The following PSAP variants were observed in gnomAD, a reference collection of about 807,000 sequenced individuals.
PSAP encodes prosaposin.
In PSAP, 25 loss-of-function variants were observed where a neutral mutation model predicts 66.0. The observed-to-expected ratio is 0.38, with a 90% CI of 0.28 to 0.53. The LOEUF is 0.53. Ranked by LOEUF, PSAP falls within the 20% of genes least tolerant of loss-of-function variation. PSAP has a pLI of 0.83. For synonymous variants in PSAP, 273 were observed against 258.9 expected (o/e 1.05, Z -0.52); for missense variants, 649 against 668.8 (o/e 0.97, Z 0.33).
At chr10:71,845,036 T>A (rs1292782802) in intron 1 of PSAP, among the ~76,000 whole-genome samples, 2 of 152,238 alleles carry the variant, frequency 1.3e-5, no homozygotes, top group Admixed American at 1.3e-4. Context: ...CTAGTTGTTG[T>A]TAATCCCTTA....
Position 71,834,390 on chromosome 10 carries a change from A to G in PSAP, c.156T>C (p.Val52=). 6.2e-7 allele frequency: 1 copy of G among 1,613,914 alleles called. No individual in the cohort carries two copies. Among genetic ancestry groups the G allele is most frequent in the Non-Finnish European group, 8.5e-7 (1 of 1,180,026 alleles). ...CGAVKHCLQT[V]WNKPTVKSLP... is the part of the protein sequence containing the mutation. Reference sequence around the variant, plus strand: ...CACTCACCACTGTTGGCTTGTTCCAAACGGTCTGCAGGCAGTGCTTCACTG... The same window carrying G: ...CACTCACCACTGTTGGCTTGTTCCAGACGGTCTGCAGGCAGTGCTTCACTG... The change falls in exon 2 of 14, where the codon GTT becomes GTC. Residue 52 remains valine (V), a synonymous_variant. Coordinates refer to ENST00000394936, the MANE Select transcript of PSAP (RefSeq NM_002778.4).
chr10:71,824,683 T>C (rs918557998), intron 7 of PSAP, among the ~76,000 whole-genome samples: 1 of 152,204 alleles, frequency 6.6e-6, no homozygotes. Context: ...AGGCAAAAAA[T>C]GCAAACTACA....
At chr10:71,827,110 T>C (rs938029736) in intron 6 of PSAP, among the ~76,000 whole-genome samples, 2 of 151,942 alleles carry the variant, frequency 1.3e-5, no homozygotes, top group East Asian at 3.9e-4. Flanking sequence ...AAAAATGGGG[T>C]AAATGGCCGG....
chr10:71,827,413 A>AG (rs1182420986), intron 6 of PSAP, among the ~76,000 whole-genome samples: 2 of 146,122 alleles, frequency 1.4e-5, no homozygotes, highest in African/African-American at 2.5e-5. Flanking sequence ...AAGAAAAAAA[A>AG]AAAAGAAAAG....
chr10:71,831,753 C>A lies in PSAP; in HGVS notation c.249+93G>T, dbSNP rs936883410. On this transcript the variant is annotated intron_variant, in intron 3 of 13. Coordinates refer to ENST00000394936, the MANE Select transcript of PSAP (RefSeq NM_002778.4). The stretch of plus-strand genomic sequence containing the variant: ...GACATTTGCCACCCTCAGGCCTACA[C>A]CATTCCTCTTTAGACACCCGGAATC... 3.8e-6 allele frequency: 5 copies of A among 1,300,212 alleles called. No homozygotes were observed. The Admixed American group carries it at 6.7e-5, about 17-fold the overall frequency. The allele number at this position is 1,300,212 out of a possible 1,614,324, so 80.5% of individuals were successfully genotyped here. A position where few individuals can be genotyped will look rare whatever the true frequency, so the allele number is the denominator to read the frequency against.
rs1842780081 is a variant in PSAP at position 71,844,260 on chromosome 10, A to G, written c.40+6922T>C. Among the ~76,000 whole-genome samples the G allele has an allele frequency of 1.3e-5, 2 of 152,382 alleles. 1 individual carries two copies. The highest frequency in any genetic ancestry group is 4.1e-4 in the South Asian group (2 of 4,832). ...ACTCAGCAATTCTGCTCTTAGACAT[A>G]TGCCCTAGATAAATGTTTTCCATGT... is the stretch of plus-strand genomic sequence containing the variant. On this transcript the variant is annotated intron_variant, in intron 1 of 13. Transcript: ENST00000394936.
intron 6 of PSAP, among the ~76,000 whole-genome samples, chr10:71,826,743 GA>G (rs56279127): frequency 1.3e-4 from 19 of 144,564 alleles, no homozygotes; most frequent in Admixed American, 2.1e-4. Context: ...CCTGTCTCAA[GA>G]AAAAAAAAAA....
chr10:71,819,700 C>T lies in PSAP; in HGVS notation c.1192+14G>A, dbSNP rs1842255507. The T allele has an allele frequency of 1.2e-6, 2 of 1,614,114 alleles. No homozygotes were observed. Among genetic ancestry groups the T allele is most frequent in the Admixed American group, 1.7e-5 (1 of 60,034 alleles). On this transcript the variant is annotated intron_variant, in intron 10 of 13. Coordinates refer to ENST00000394936, the MANE Select transcript of PSAP (RefSeq NM_002778.4). ...AGGGGCACCATCCTCTCCCGCACCA[C>T]ACCCAGCGCTCACCGGTCAGTGCAG... is the stretch of plus-strand genomic sequence containing the variant.
intron 7 of PSAP, among the ~76,000 whole-genome samples, chr10:71,822,814 C>A (rs1207497722): frequency 1.3e-5 from 2 of 152,132 alleles, no homozygotes; most frequent in Admixed American, 6.5e-5. Context: ...AAAACAGGAC[C>A]TGTTAAGGGA....
Position 71,833,899 on chromosome 10 carries a change from G to A in PSAP, c.174+473C>T, listed in dbSNP as rs531208120. Among the ~76,000 whole-genome samples the A allele has an allele frequency of 3.3e-5, 5 of 152,378 alleles. No homozygotes were observed. In the South Asian group the frequency reaches 1.0e-3, roughly 32 times the overall value. On this transcript the variant is annotated intron_variant, in intron 2 of 13. Coordinates refer to ENST00000394936, the MANE Select transcript of PSAP (RefSeq NM_002778.4). ...AATCAGCAGTTTGCCTGTTTGAGAG[G>A]AGTGAGGAGAGAACAAAATATGAAA...
In PSAP at chr10:71,819,800, A is replaced by G. The variant is rs772105675; in HGVS notation, c.1106T>C (p.Leu369Pro). ...EVVDTYGSSI[L>P]SILLEEVSPE... ...GCTGACCTCCTCCAGCAGGATGGAC[A>G]GGATGGAGCTGCCGTACGTGTCCAC... is the stretch of plus-strand genomic sequence containing the variant. Residue 369 changes from leucine to proline, a missense_variant, in exon 10 of 14, where the codon CTG becomes CCG. Transcript: ENST00000394936. 9.3e-6 allele frequency: 15 copies of G among 1,613,832 alleles called. No individual in the cohort carries two copies. In the African/African-American group the frequency reaches 2.0e-4, roughly 22 times the overall value.
At chr10:71,840,397 A>T (rs754153073) in intron 1 of PSAP, among the ~76,000 whole-genome samples, 1 of 152,312 alleles carries the variant, frequency 6.6e-6, no homozygotes, top group South Asian at 2.1e-4. Flanking sequence ...ATCCCCTAAG[A>T]GCAGGAGATA....
rs1842186590 is a variant in PSAP, at chr10:71,817,294, G to A, written c.*147C>T. 1.1e-6 allele frequency: 1 copy of A among 896,866 alleles called. No homozygotes were observed. The highest frequency in any genetic ancestry group is 2.4e-5 in the East Asian group (1 of 41,676). The allele number at this position is 896,866 out of a possible 1,614,324, so 55.6% of individuals were successfully genotyped here. ...TAGGGGCTCCCTTGCAGACAGCAAT[G>A]CTACAATAAAGGACACAGAAATGGG... On this transcript the variant is annotated 3_prime_UTR_variant, in exon 14 of 14. Transcript: ENST00000394936.
Position 71,818,737 on chromosome 10 carries a change from A to T in PSAP, c.1432-13T>A. The T allele has an allele frequency of 6.2e-7, 1 of 1,601,168 alleles. No individual in the cohort carries two copies. The stretch of plus-strand genomic sequence containing the variant: ...AGGCTCCAATTTTCTATATGGTGAG[A>T]AAAGGAAAGAAGAAAGGGGGAGAAT... On this transcript the variant is annotated splice_polypyrimidine_tract_variant and intron_variant, in intron 12 of 13. Transcript: ENST00000394936.
At position 71,819,817 on chromosome 10, in the gene PSAP, C is replaced by T. The variant is rs1307052772; in HGVS notation, c.1089G>A (p.Thr363=). ...LSEECQEVVD[T]YGSSILSILL... ...GGATGGACAGGATGGAGCTGCCGTA[C>T]GTGTCCACCACCTCCTGGCACTCTT... The change falls in exon 10 of 14, where the codon ACG becomes ACA. Residue 363 remains threonine, a synonymous_variant. Coordinates refer to ENST00000394936, the MANE Select transcript of PSAP (RefSeq NM_002778.4). 8 of 1,614,062 alleles carry T rather than the reference C, an allele frequency of 5.0e-6. No individual in the cohort carries two copies. Among genetic ancestry groups the T allele is most frequent in the Admixed American group, 1.7e-5 (1 of 60,024 alleles).
intron 7 of PSAP, chr10:71,822,354 AG>A: frequency 2.4e-6 from 1 of 412,286 alleles, no homozygotes; most frequent in Non-Finnish European, 4.6e-6. Flanking sequence ...AGGTCACTCT[AG>A]GTAGGAACTA....
intron 4 of PSAP, 94 bp from the exon 5 acceptor site, chr10:71,829,171 A>AGGG: frequency 8.5e-7 from 1 of 1,182,072 alleles, no homozygotes; most frequent in Non-Finnish European, 1.2e-6. Flanking sequence ...CCTCTCTTTA[A>AGGG]ATCCCTTAAA....
In PSAP at chr10:71,823,878, C is replaced by T. The variant is rs1044780961; in HGVS notation, c.778-1871G>A. 6.2e-6 allele frequency: 8 copies of T among 1,296,044 alleles called. 1 individual carries two copies. The highest frequency in any genetic ancestry group is 3.7e-5 in the South Asian group (3 of 81,262). The allele number at this position is 1,296,044 out of a possible 1,614,324, so 80.3% of individuals were successfully genotyped here. A position where few individuals can be genotyped will look rare whatever the true frequency, so the allele number is the denominator to read the frequency against. On this transcript the variant is annotated intron_variant, in intron 7 of 13. Transcript: ENST00000394936. Reference sequence around the variant, plus strand: ...AGACCACTACTGCAAGCAGATTCCCCGACACATACCTGATCCTGCTGTTGA... The same window carrying T: ...AGACCACTACTGCAAGCAGATTCCCTGACACATACCTGATCCTGCTGTTGA...
chr10:71,818,675 T>A lies in PSAP; in HGVS notation c.1481A>T (p.Lys494Met). Residue 494 changes from lysine to methionine, a missense_variant, in exon 13 of 14, where the codon AAG becomes ATG. Lys to Met is a moderately conservative substitution (Grantham distance 95). Transcript: ENST00000394936. ...CCAGTAGCTTGGGCCCCATATACAC[T>A]TCTCAGTTCCCAACAAGGGCTTATG... ...SAHKPLLGTE[K>M]CIWGPSYWCQ... The A allele has an allele frequency of 4.3e-6, 7 of 1,614,168 alleles. No homozygotes were observed. The highest frequency in any genetic ancestry group is 5.9e-6 in the Non-Finnish European group (7 of 1,180,028).
Sources: allele counts gnomAD v4.1 joint callset (sites outside exome capture counted in the v4.1 genomes callset), GRCh38; gene constraint gnomAD v4.1.1; transcripts MANE v1.5; gene names NCBI Gene and HGNC (gene_info 2026-07-23, HGNC 2026-07-21).